ASB14: variants seen among roughly 807,000 people sequenced by gnomAD.
The protein encoded by ASB14 is ankyrin repeat and SOCS box protein 14.
In ASB14, 63 loss-of-function variants were observed where a neutral mutation model predicts 55.6. The observed-to-expected ratio is 1.13, with a 90% CI of 0.92 to 1.40. ASB14 has a LOEUF of 1.40. Ranked by LOEUF, ASB14 falls within the 40% of genes most tolerant of loss-of-function variation. The pLI, the probability that ASB14 is intolerant of heterozygous loss-of-function variation, is 0.00. For missense variants in ASB14, 724 were observed against 710.4 expected (o/e 1.02, Z -0.22); for synonymous variants, 256 against 259.9 (o/e 0.98, Z 0.15).
Position 57,268,643 on chromosome 3 carries a change from ATC to A in ASB14, c.*996_*997del. 1.3e-6 allele frequency: 1 copy of A among 771,408 alleles called. No homozygotes were observed. The highest frequency in any genetic ancestry group is 1.9e-6 in the Non-Finnish European group (1 of 538,462). 47.8% of individuals were successfully genotyped at this position (771,408 alleles called of 1,614,324 possible). ...TCATACCATAGCAGAAAAGGGTCAC[ATC>A]TGTTTTTTGATATGATGTTTACATT... is the stretch of plus-strand genomic sequence containing the variant. On this transcript the variant is annotated 3_prime_UTR_variant, in exon 11 of 11. Transcript: ENST00000487349.
At chr3:57,280,659 GA>G (rs564794746) in intron 6 of ASB14, among the ~76,000 whole-genome samples, 186 bp from the exon 7 acceptor site, 78 of 152,082 alleles carry the variant, frequency 5.1e-4, no homozygotes, top group African/African-American at 1.7e-3. Context: ...AGTTGGGGAA[GA>G]AAAAAATGGC....
rs377599276 is a variant in ASB14, at chr3:57,276,644, A to G, written c.1670T>C (p.Met557Thr). The G allele has an allele frequency of 6.8e-6, 11 of 1,614,020 alleles. No homozygotes were observed. The highest frequency in any genetic ancestry group is 8.5e-6 in the Non-Finnish European group (10 of 1,179,840). Residue 557 changes from methionine to threonine, a missense_variant, in exon 10 of 11, where the codon ATG becomes ACG. By Grantham distance (81) the Met-to-Thr change is moderately conservative. Coordinates refer to ENST00000487349, the MANE Select transcript of ASB14 (RefSeq NM_001142733.3). The stretch of plus-strand genomic sequence containing the variant: ...ACGATTGGGTAATGGAAGAAATGAC[A>G]TGAAGACAGGGCAGCGCAAATGTAA... ...GRLHLRCPVF[M>T]SFLPLPNRLK...
At chr3:57,289,645 CTT>C (rs541735353) in intron 2 of ASB14, among the ~76,000 whole-genome samples, 4 of 146,914 alleles carry the variant, frequency 2.7e-5, no homozygotes, top group African/African-American at 7.4e-5. Flanking sequence ...ATTTATGAAA[CTT>C]ATTTTAAAAC....
Position 57,283,300 on chromosome 3 carries a change from C to T in ASB14, c.609G>A (p.Leu203=). The T allele has an allele frequency of 6.4e-7, 1 of 1,551,846 alleles. No homozygotes were observed. Among genetic ancestry groups the T allele is most frequent in the Non-Finnish European group, 8.7e-7 (1 of 1,147,030 alleles). ...GTGGGTCAGGGTGTGCCCCAGAAAC[C>T]AGCATAAGCTTCACCATGTCCTCTC... ...LGREDMVKLM[L]VSGAHPDPQS... Residue 203 remains leucine, a synonymous_variant, in exon 6 of 11, where the codon CTG becomes CTA. Coordinates refer to ENST00000487349, the MANE Select transcript of ASB14 (RefSeq NM_001142733.3).
Position 57,277,823 on chromosome 3 carries a change from T to G in ASB14, c.1529A>C (p.Lys510Thr). The G allele has an allele frequency of 1.2e-6, 2 of 1,613,966 alleles. No homozygotes were observed. Among genetic ancestry groups the G allele is most frequent in the Non-Finnish European group, 1.7e-6 (2 of 1,179,888 alleles). The change falls in exon 9 of 11, where the codon AAG becomes ACG. Residue 510 changes from lysine to threonine, a missense_variant. By Grantham distance (78) the Lys-to-Thr change is moderately conservative. Transcript: ENST00000487349. ...CTGTTTTTGGAGCACAGCTTTCAAC[T>G]TTGAACAGATCCGAACTTGATCAAC... ...DYVDQVRICS[K>T]LKAVLQKQGI...
chr3:57,268,595 C>T lies in ASB14; in HGVS notation c.*1046G>A. 7.7e-7 allele frequency: 1 copy of T among 1,295,584 alleles called. No homozygotes were observed. The highest frequency in any genetic ancestry group is 2.4e-5 in the East Asian group (1 of 41,742). The allele number at this position is 1,295,584 out of a possible 1,614,324, so 80.3% of individuals were successfully genotyped here. A position where few individuals can be genotyped will look rare whatever the true frequency, so the allele number is the denominator to read the frequency against. On this transcript the variant is annotated 3_prime_UTR_variant, in exon 11 of 11. Coordinates refer to ENST00000487349, the MANE Select transcript of ASB14 (RefSeq NM_001142733.3). ...AAATGAAGGGCTGTTTCTGCTTGTTCAGCCACTTCATAAACAGATGATTCA... is the reference window on the plus strand; with the variant it reads ...AAATGAAGGGCTGTTTCTGCTTGTTTAGCCACTTCATAAACAGATGATTCA...
Position 57,276,674 on chromosome 3 carries a change from C to A in ASB14, c.1640G>T (p.Gly547Val). The change falls in exon 10 of 11, where the codon GGA becomes GTA. Residue 547 changes from glycine to valine, a missense_variant. By Grantham distance (109) the Gly-to-Val change is moderately radical. Coordinates refer to ENST00000487349, the MANE Select transcript of ASB14 (RefSeq NM_001142733.3). ...LCRLKIRKCM[G>V]RLHLRCPVFM... The stretch of plus-strand genomic sequence containing the variant: ...GACAGGGCAGCGCAAATGTAACCGT[C>A]CCATGCATTTCCGGATCTTTAGGCG... 1 of 1,614,024 alleles carries A rather than the reference C, an allele frequency of 6.2e-7. No individual in the cohort carries two copies. The highest frequency in any genetic ancestry group is 1.1e-5 in the South Asian group (1 of 91,058).
chr3:57,273,642 C>A (rs1382897508), intron 10 of ASB14, among the ~76,000 whole-genome samples: 1 of 151,644 alleles, frequency 6.6e-6, no homozygotes, highest in African/African-American at 2.4e-5. Context: ...GTTATAGAAG[C>A]AAACTAATCG....
Position 57,280,275 on chromosome 3 carries a change from ATTTATAAT to A in ASB14, c.887+19_887+26del. The A allele has an allele frequency of 1.4e-6, 2 of 1,468,486 alleles. No individual in the cohort carries two copies. Among genetic ancestry groups the A allele is most frequent in the African/African-American group, 1.4e-5 (1 of 70,664 alleles). 91.0% of individuals were successfully genotyped at this position (1,468,486 alleles called of 1,614,324 possible). A position where few individuals can be genotyped will look rare whatever the true frequency, so the allele number is the denominator to read the frequency against. ...AAAGGTAGCTATTACTGTTTTTATT[ATTTATAAT>A]AATGTAATTGAACTTAACAGTAAGT... On this transcript the variant is annotated intron_variant, in intron 7 of 10. Coordinates refer to ENST00000487349, the MANE Select transcript of ASB14 (RefSeq NM_001142733.3).
At chr3:57,273,144 T>G (rs190912996) in intron 10 of ASB14, 7 of 152,778 alleles carry the variant, frequency 4.6e-5, no homozygotes, top group African/African-American at 1.7e-4. Context: ...TCAGTTAATA[T>G]GAGACTGGGG....
intron 3 of ASB14, among the ~76,000 whole-genome samples, chr3:57,288,553 G>C (rs2061100164): frequency 6.6e-6 from 1 of 151,936 alleles, no homozygotes; most frequent in African/African-American, 2.4e-5. Context: ...GCTTCATTGA[G>C]CTGAAGTATT....
chr3:57,283,999 T>C (rs2061059301), intron 5 of ASB14, among the ~76,000 whole-genome samples: 1 of 151,954 alleles, frequency 6.6e-6, no homozygotes, highest in South Asian at 2.1e-4. Flanking sequence ...CCAAAGTATG[T>C]TGTATAGAAA....
At chr3:57,282,369 G>C (rs2061046973) in intron 6 of ASB14, among the ~76,000 whole-genome samples, 1 of 152,046 alleles carries the variant, frequency 6.6e-6, no homozygotes, top group Non-Finnish European at 1.5e-5. Context: ...TAAAAATCTT[G>C]GTAAAAATTT....
intron 3 of ASB14, 46 bp downstream of exon 3, chr3:57,289,022 T>C (rs2061106482): frequency 7.2e-7 from 1 of 1,392,692 alleles, no homozygotes; most frequent in Non-Finnish European, 9.8e-7. Context: ...CCAGCCAATG[T>C]CACCGTCACA....
intron 2 of ASB14, 59 bp from the exon 3 acceptor site, chr3:57,289,182 A>C: frequency 8.5e-7 from 1 of 1,182,670 alleles, no homozygotes. Flanking sequence ...CTGTTATCTG[A>C]TATAAATCAA....
intron 5 of ASB14, among the ~76,000 whole-genome samples, chr3:57,286,136 A>C (rs779914419): frequency 6.6e-6 from 1 of 152,166 alleles, no homozygotes; most frequent in African/African-American, 2.4e-5. Flanking sequence ...AATTACTTCA[A>C]GCTTCTAGTT....
At chr3:57,272,561 A>T (rs2060949811) in intron 10 of ASB14, 1 of 152,104 alleles carries the variant, frequency 6.6e-6, no homozygotes, top group Non-Finnish European at 1.5e-5. Flanking sequence ...AGATCCTAAG[A>T]GCTAGTATGT....
chr3:57,287,909 AGAG>A lies in ASB14; in HGVS notation c.458_460del (p.Pro153del), dbSNP rs560364634. ...ACAATGTATTCATTTACCTGCAAGA[AGAG>A]GAGAATTGCCTTCGAAATTCTTAGC... On this transcript the variant is annotated inframe_deletion, in exon 5 of 11. Coordinates refer to ENST00000487349, the MANE Select transcript of ASB14 (RefSeq NM_001142733.3). 29 of 1,537,050 alleles carry A rather than the reference AGAG, an allele frequency of 1.9e-5. No individual in the cohort carries two copies. The highest frequency in any genetic ancestry group is 3.6e-5 in the South Asian group (3 of 84,044).
rs557464831 is a variant in ASB14, at chr3:57,277,750, A to G, written c.1585+17T>C. The G allele has an allele frequency of 3.8e-6, 6 of 1,587,784 alleles. No homozygotes were observed. The highest frequency in any genetic ancestry group is 2.7e-5 in the African/African-American group (2 of 73,834). ...TAGTACTTTTGTAAAAAGTCATTCT[A>G]TGAGAAGGATACTTACTTAAGATAA... On this transcript the variant is annotated intron_variant, in intron 9 of 10. Coordinates refer to ENST00000487349, the MANE Select transcript of ASB14 (RefSeq NM_001142733.3).
Sources: gnomAD v4.1 joint callset for allele counts (sites outside exome capture counted in the v4.1 genomes callset) on GRCh38, gnomAD v4.1.1 for gene constraint, MANE v1.5 for transcripts, NCBI Gene and HGNC (gene_info 2026-07-23, HGNC 2026-07-21) for gene names.